The following BRMS1L variants were observed in gnomAD, a reference collection of about 807,000 sequenced individuals.
BRMS1L encodes BRMS1 like transcriptional repressor.
A neutral mutation model predicts 50.3 loss-of-function variants in BRMS1L; 23 were observed. The observed-to-expected ratio is 0.46, with a 90% CI of 0.33 to 0.65. The LOEUF is 0.65. BRMS1L is among the 30% of genes least tolerant of loss of function. The pLI, the probability that BRMS1L is intolerant of heterozygous loss-of-function variation, is 0.02. For missense variants in BRMS1L, 286 were observed against 386.1 expected (o/e 0.74, Z 2.17); for synonymous variants, 114 against 126.9 (o/e 0.90, Z 0.69).
intron 9 of BRMS1L, among the ~76,000 whole-genome samples, chr14:35,868,677 G>A (rs2078451120): frequency 6.6e-6 from 1 of 152,082 alleles, no homozygotes; most frequent in African/African-American, 2.4e-5. Context: ...AGCTGCTTGG[G>A]CAGGAGGATC....
At chr14:35,837,829 G>A (rs1595662718) in intron 4 of BRMS1L, among the ~76,000 whole-genome samples, 1 of 152,232 alleles carries the variant, frequency 6.6e-6, no homozygotes, top group Admixed American at 6.5e-5. Context: ...TGGGATTACA[G>A]GCTTGAGCCA....
chr14:35,845,960 T>C (rs1029360280), intron 4 of BRMS1L, among the ~76,000 whole-genome samples: 4 of 152,192 alleles, frequency 2.6e-5, no homozygotes, highest in African/African-American at 9.7e-5. Context: ...TGTAAGAAAG[T>C]AGATAGAACT....
At chr14:35,848,692 T>G (rs2078169136) in intron 4 of BRMS1L, among the ~76,000 whole-genome samples, 1 of 152,188 alleles carries the variant, frequency 6.6e-6, no homozygotes, top group Admixed American at 6.6e-5. Context: ...AGATCCTACA[T>G]GTAAATGAGA....
rs905990658 is a variant in BRMS1L, at chr14:35,865,903, C to G, written c.727+142C>G. ...GTGCCTGAAATTATGAGGAATTCTT[C>G]TGGAGTCATTGCTTCACGTAAAAGT... On this transcript the variant is annotated intron_variant, in intron 8 of 9. Coordinates refer to ENST00000216807, the MANE Select transcript of BRMS1L (RefSeq NM_032352.4). The G allele has an allele frequency of 5.5e-6, 4 of 733,614 alleles. No individual in the cohort carries two copies. The African/African-American group carries it at 7.2e-5, about 13-fold the overall frequency. 45.4% of individuals were successfully genotyped at this position (733,614 alleles called of 1,614,324 possible). A position where few individuals can be genotyped will look rare whatever the true frequency, so the allele number is the denominator to read the frequency against.
intron 4 of BRMS1L, among the ~76,000 whole-genome samples, chr14:35,847,510 A>G (rs1164740243): frequency 6.6e-6 from 1 of 152,186 alleles, no homozygotes; most frequent in Non-Finnish European, 1.5e-5. Context: ...TTTGTTGCCC[A>G]GGCTGAGTTT....
In BRMS1L at chr14:35,863,514, C is replaced by G. The variant is rs2142062525; in HGVS notation, c.539-356C>G. 2.0e-5 allele frequency among the ~76,000 whole-genome samples: 3 copies of G among 152,292 alleles called. 1 individual carries two copies. In the Middle Eastern group the frequency reaches 0.01, roughly 518 times the overall value. On this transcript the variant is annotated intron_variant, in intron 5 of 9. Coordinates refer to ENST00000216807, the MANE Select transcript of BRMS1L (RefSeq NM_032352.4). ...GACCATGGACAGTTACTTCACTTTT[C>G]TAAATCAATCTCCTTGTCTGTAAAA...
At chr14:35,833,434 A>T (rs112024582) in intron 3 of BRMS1L, among the ~76,000 whole-genome samples, 5 of 152,232 alleles carry the variant, frequency 3.3e-5, no homozygotes, top group South Asian at 2.1e-4. Flanking sequence ...TCCCTATTAG[A>T]TAAAGTTTAA....
chr14:35,854,893 G>A (rs879308090), intron 4 of BRMS1L, among the ~76,000 whole-genome samples: 4 of 152,248 alleles, frequency 2.6e-5, no homozygotes, highest in Non-Finnish European at 5.9e-5. Flanking sequence ...GGATTTCTTG[G>A]AAGGTGCAGG....
At chr14:35,855,150 T>TA (rs1262504670) in intron 4 of BRMS1L, among the ~76,000 whole-genome samples, 1 of 152,230 alleles carries the variant, frequency 6.6e-6, no homozygotes, top group Non-Finnish European at 1.5e-5. Flanking sequence ...AGCATGCCTC[T>TA]AGGTTATTGA....
chr14:35,863,141 A>G (rs1454757535), intron 5 of BRMS1L, among the ~76,000 whole-genome samples: 2 of 152,162 alleles, frequency 1.3e-5, no homozygotes, highest in Non-Finnish European at 2.9e-5. Flanking sequence ...GCTATAGTAT[A>G]TGTTTTTCCT....
At chr14:35,847,316 C>A (rs2142049125) in intron 4 of BRMS1L, among the ~76,000 whole-genome samples, 1 of 151,686 alleles carries the variant, frequency 6.6e-6, no homozygotes, top group Non-Finnish European at 1.5e-5. Flanking sequence ...TTTCTTCTTT[C>A]TTTTTTTAGA....
At chr14:35,839,740 G>C (rs2078038199) in intron 4 of BRMS1L, among the ~76,000 whole-genome samples, 1 of 152,224 alleles carries the variant, frequency 6.6e-6, no homozygotes, top group African/African-American at 2.4e-5. Context: ...AGACTTTCCT[G>C]AAGTTGCTTA....
At chr14:35,862,005 A>G (rs768828966) in intron 4 of BRMS1L, among the ~76,000 whole-genome samples, 2 of 152,164 alleles carry the variant, frequency 1.3e-5, no homozygotes, top group Non-Finnish European at 2.9e-5. Context: ...CCAGTCTTGT[A>G]TGTTGTAGCA....
At chr14:35,850,875 C>G (rs748565725) in intron 4 of BRMS1L, among the ~76,000 whole-genome samples, 4 of 152,174 alleles carry the variant, frequency 2.6e-5, no homozygotes, top group African/African-American at 9.7e-5. Flanking sequence ...ACAGTTCTTA[C>G]AAAAGTTGTC....
chr14:35,843,141 C>T (rs189399183), intron 4 of BRMS1L, among the ~76,000 whole-genome samples: 8 of 152,212 alleles, frequency 5.3e-5, no homozygotes, highest in East Asian at 3.9e-4. Flanking sequence ...TTAGCTTGGA[C>T]GAGTTAGTTA....
intron 4 of BRMS1L, among the ~76,000 whole-genome samples, chr14:35,842,702 T>G (rs762832499): frequency 1.9e-4 from 29 of 152,210 alleles, no homozygotes; most frequent in Admixed American, 3.9e-4. Context: ...TCTCTGTATT[T>G]CCTGAATTTG....
chr14:35,829,843 A>G, intron 1 of BRMS1L: 1 of 1,258,188 alleles, frequency 7.9e-7, no homozygotes, highest in Non-Finnish European at 1.0e-6. Flanking sequence ...TTTGTGCTTC[A>G]GTTATTTTGA....
chr14:35,829,805 A>G, intron 1 of BRMS1L: 1 of 1,249,474 alleles, frequency 8.0e-7, no homozygotes, highest in South Asian at 1.3e-5. Flanking sequence ...TTTGACTTTT[A>G]TTTGATGAAG....
chr14:35,842,735 T>A (rs1278767891), intron 4 of BRMS1L, among the ~76,000 whole-genome samples: 1 of 152,224 alleles, frequency 6.6e-6, no homozygotes, highest in Admixed American at 6.5e-5. Flanking sequence ...TCTTGCCAGG[T>A]TGGGGAAGTG....
Sources: allele counts gnomAD v4.1 joint callset (sites outside exome capture counted in the v4.1 genomes callset), GRCh38; gene constraint gnomAD v4.1.1; transcripts MANE v1.5; gene names NCBI Gene and HGNC (gene_info 2026-07-23, HGNC 2026-07-21).